The following ZNF229 variants were observed in gnomAD, a reference collection of about 807,000 sequenced individuals.
ZNF229 encodes the protein zinc finger protein 229.
In ZNF229, 10 loss-of-function variants were observed where a neutral mutation model predicts 11.8. The observed-to-expected ratio is 0.85, with a 90% CI of 0.52 to 1.44. ZNF229 has a LOEUF of 1.44. Among genes scored for constraint, ZNF229 ranks in the 40% most tolerant of loss-of-function variants. The pLI is 0.00. For synonymous variants in ZNF229, 368 were observed against 374.8 expected, an observed-to-expected ratio of 0.98 and a Z score of 0.21; for missense variants, 1,045 against 1,015.1, an observed-to-expected ratio of 1.03 and a Z score of -0.40.
intron 4 of ZNF229, among the ~76,000 whole-genome samples, chr19:44,434,915 G>C (rs974860168): frequency 2.0e-5 from 3 of 152,054 alleles, no homozygotes; most frequent in Non-Finnish European, 2.9e-5. Flanking sequence ...TGAATCATGG[G>C]GGGTGGGTCT....
chr19:44,443,766 G>A (rs1971956206), intron 2 of ZNF229, among the ~76,000 whole-genome samples: 1 of 152,164 alleles, frequency 6.6e-6, no homozygotes, highest in African/African-American at 2.4e-5. Flanking sequence ...AAAGTCACAA[G>A]TACTGCTAAT....
rs183052577 is a variant in ZNF229 at position 44,429,037 on chromosome 19, G to C, written c.1744C>G (p.Arg582Gly). The change falls in exon 6 of 6, where the codon CGG becomes GGG. Residue 582 changes from arginine (R) to glycine (G), a missense_variant. Coordinates refer to ENST00000614049, the MANE Select transcript of ZNF229 (RefSeq NM_014518.4). ...YKCSECGKGF[R>G]RNSDLHSHQR... ...TGGCTGTGAAGGTCTGAATTCCGCC[G>C]GAAGCCCTTCCCACACTCACTGCAT... 1.9e-6 allele frequency: 3 copies of C among 1,605,528 alleles called. No homozygotes were observed. The highest frequency in any genetic ancestry group is 2.5e-6 in the Non-Finnish European group (3 of 1,176,968).
At chr19:44,446,466 A>C (rs1277021621) in intron 2 of ZNF229, among the ~76,000 whole-genome samples, 1 of 152,206 alleles carries the variant, frequency 6.6e-6, no homozygotes, top group Non-Finnish European at 1.5e-5. Context: ...CTTCTGTCAA[A>C]TAAAGATAAT....
At chr19:44,438,497 T>C (rs766617991) in intron 4 of ZNF229, among the ~76,000 whole-genome samples, 1 of 152,196 alleles carries the variant, frequency 6.6e-6, no homozygotes, top group African/African-American at 2.4e-5. Flanking sequence ...CGCTGTGAAA[T>C]AGATATTTGG....
At chr19:44,433,552 C>T (rs938196755) in intron 4 of ZNF229, among the ~76,000 whole-genome samples, 1 of 151,832 alleles carries the variant, frequency 6.6e-6, no homozygotes. Flanking sequence ...CCTCTACCCC[C>T]GCCCCCCAAC....
intron 4 of ZNF229, among the ~76,000 whole-genome samples, chr19:44,442,339 C>A (rs1328929381): frequency 6.6e-6 from 1 of 152,096 alleles, no homozygotes; most frequent in Non-Finnish European, 1.5e-5. Flanking sequence ...ATTATCGAAT[C>A]CAATTGACCT....
chr19:44,445,125 G>T (rs915515454), intron 2 of ZNF229, among the ~76,000 whole-genome samples: 2 of 152,166 alleles, frequency 1.3e-5, no homozygotes, highest in African/African-American at 4.8e-5. Context: ...AGTCATCCTT[G>T]ATTTCTTCCT....
chr19:44,432,171 A>AT, intron 5 of ZNF229, 51 bp downstream of exon 5: 1 of 1,556,730 alleles, frequency 6.4e-7, no homozygotes, highest in South Asian at 1.2e-5. Flanking sequence ...AAAGCCAAAA[A>AT]TATCTTCTCT....
chr19:44,430,123 C>G lies in ZNF229; in HGVS notation c.658G>C (p.Asp220His). 1 of 1,614,142 alleles carries G rather than the reference C, an allele frequency of 6.2e-7. No individual in the cohort carries two copies. Among genetic ancestry groups the G allele is most frequent in the Non-Finnish European group, 8.5e-7 (1 of 1,180,050 alleles). The change falls in exon 6 of 6, where the codon GAC (aspartate) becomes CAC (histidine). Residue 220 changes from aspartate (D) to histidine (H), a missense_variant. Coordinates refer to ENST00000614049, the MANE Select transcript of ZNF229 (RefSeq NM_014518.4). The stretch of plus-strand genomic sequence containing the variant: ...TGACAAGATATCCAGCAAAAGCTGT[C>G]ATCATCCCAGTTACATTTATATACT... Reference protein sequence around the residue: ...DTVYKCNWDDDSFCWISCHVD... With the variant: ...DTVYKCNWDDHSFCWISCHVD...
intron 4 of ZNF229, among the ~76,000 whole-genome samples, chr19:44,442,300 G>A (rs150329394): frequency 2.0e-5 from 3 of 152,094 alleles, no homozygotes; most frequent in Non-Finnish European, 4.4e-5. Flanking sequence ...AAGCTATTGC[G>A]GTGGCAGGAA....
intron 4 of ZNF229, among the ~76,000 whole-genome samples, chr19:44,437,472 C>A (rs768006234): frequency 2.0e-5 from 3 of 152,024 alleles, no homozygotes; most frequent in Non-Finnish European, 2.9e-5. Context: ...AAGCAACAAA[C>A]GCTGGCAAGG....
chr19:44,431,803 C>A (rs1177125292), intron 5 of ZNF229: 1 of 989,128 alleles, frequency 1.0e-6, no homozygotes, highest in African/African-American at 1.7e-5. Flanking sequence ...CCATCTGTTA[C>A]CCCAGTCTTC....
chr19:44,433,568 C>T (rs4802224), intron 4 of ZNF229, among the ~76,000 whole-genome samples: 8,303 of 151,988 alleles, frequency 0.055, 460 homozygotes, highest in East Asian at 0.28. Context: ...CCAACTCTCC[C>T]GCCACACTTC....
rs1374359726 is a variant in ZNF229, at chr19:44,427,475, A to G, written c.*828T>C. On this transcript the variant is annotated 3_prime_UTR_variant, in exon 6 of 6. Coordinates refer to ENST00000614049, the MANE Select transcript of ZNF229 (RefSeq NM_014518.4). ...CATCTCTAAGAAATATTACTGAGGG[A>G]CCATATGAAATACTATCAGTGGTAA... 2 of 146,346 alleles carry G rather than the reference A, an allele frequency of 1.4e-5. No homozygotes were observed. Among genetic ancestry groups the G allele is most frequent in the African/African-American group, 5.2e-5 (2 of 38,684 alleles). 9.1% of individuals were successfully genotyped at this position (146,346 alleles called of 1,614,324 possible).
chr19:44,442,887 T>C lies in ZNF229; in HGVS notation c.-40A>G. On this transcript the variant is annotated 5_prime_UTR_variant, in exon 3 of 6. In the 5' UTR this introduces an upstream ATG that the reference lacks. Transcript: ENST00000614049. ...GGTTCTCTGCGAGCAGCAGCAACTG[T>C]ATTTATTCTCTGGTTTTCCTAAGCT... 1 of 1,609,160 alleles carries C rather than the reference T, an allele frequency of 6.2e-7. No individual in the cohort carries two copies. The highest frequency in any genetic ancestry group is 2.2e-5 in the East Asian group (1 of 44,682).
rs150518845 is a variant in ZNF229, at chr19:44,429,244, C to G, written c.1537G>C (p.Gly513Arg). 3.0e-3 allele frequency: 4,823 copies of G among 1,613,976 alleles called. 53 individuals carry two copies. The highest frequency in any genetic ancestry group is 0.023 in the African/African-American group (1,722 of 74,924). Residue 513 changes from glycine to arginine, a missense_variant, in exon 6 of 6, where the codon GGG becomes CGG. Coordinates refer to ENST00000614049, the MANE Select transcript of ZNF229 (RefSeq NM_014518.4). ...ACGTTACATTTGTACAGATGCTGCCCCATGTGAACTCTCTGGTGAGCTTGA... is the reference window on the plus strand; with the variant it reads ...ACGTTACATTTGTACAGATGCTGCCGCATGTGAACTCTCTGGTGAGCTTGA... Reference protein sequence around the residue: ...YLQAHQRVHMGQHLYKCNVCG... With the variant: ...YLQAHQRVHMRQHLYKCNVCG...
At position 44,428,986 on chromosome 19, in the gene ZNF229, G is replaced by C. The variant is rs1005294309; in HGVS notation, c.1795C>G (p.Pro599Ala). 9.3e-6 allele frequency: 15 copies of C among 1,613,732 alleles called. No individual in the cohort carries two copies. Among genetic ancestry groups the C allele is most frequent in the Non-Finnish European group, 1.3e-5 (15 of 1,179,948 alleles). The change falls in exon 6 of 6, where the codon CCC (proline) becomes GCC (alanine). Residue 599 changes from proline (P) to alanine (A), a missense_variant. Transcript: ENST00000614049. The part of the protein sequence containing the change: ...SHQRVHTGER[P>A]YVCDVCGKGF... ...TTCCCACACACGTCACACACGTAGG[G>C]CCTCTCTCCCGTGTGGACCCTCTGG... is the stretch of plus-strand genomic sequence containing the variant.
At chr19:44,435,322 C>T (rs781746578) in intron 4 of ZNF229, among the ~76,000 whole-genome samples, 11 of 152,124 alleles carry the variant, frequency 7.2e-5, no homozygotes, top group Non-Finnish European at 1.6e-4. Flanking sequence ...TGAGGACTCA[C>T]AGGAGCTGAT....
chr19:44,447,834 C>G (rs184969462), intron 1 of ZNF229, among the ~76,000 whole-genome samples: 11 of 152,230 alleles, frequency 7.2e-5, no homozygotes, highest in African/African-American at 2.6e-4. Context: ...CTTTCACTGC[C>G]CCTTTCAGGA....
Sources: allele counts gnomAD v4.1 joint callset (sites outside exome capture counted in the v4.1 genomes callset), GRCh38; gene constraint gnomAD v4.1.1; transcripts MANE v1.5; gene names NCBI Gene and HGNC (gene_info 2026-07-23, HGNC 2026-07-21).